Variants in ICE1 observed in about 807,000 individuals in gnomAD.
ICE1 encodes the protein interactor of little elongation complex ELL subunit 1, also known as little elongation complex subunit 1.
A neutral mutation model predicts 192.7 loss-of-function variants in ICE1; 64 were observed. The observed-to-expected ratio is 0.33, with a 90% CI of 0.27 to 0.41. The LOEUF (loss-of-function observed/expected upper bound fraction) is 0.41. Ranked by LOEUF, ICE1 falls within the 10% of genes least tolerant of loss-of-function variation. The probability of loss-of-function intolerance (pLI) is 1.00; values close to 1 mark genes in which losing one functional copy is unlikely to be tolerated. For synonymous variants in ICE1, 1,010 were observed against 984.5 expected (o/e 1.03, Z -0.49); for missense variants, 2,708 against 2,696.0 (o/e 1.00, Z -0.10).
At chr5:5,467,076 G>A (rs1400876607) in intron 14 of ICE1, among the ~76,000 whole-genome samples, 1 of 152,080 alleles carries the variant, frequency 6.6e-6, no homozygotes, top group Non-Finnish European at 1.5e-5. Flanking sequence ...TATCTCAGTG[G>A]TAAACATTTA....
At chr5:5,480,516 G>A (rs1275868251) in intron 17 of ICE1, among the ~76,000 whole-genome samples, 3 of 152,054 alleles carry the variant, frequency 2.0e-5, no homozygotes, top group African/African-American at 7.2e-5. Flanking sequence ...CCAAAGTGCT[G>A]GGATTACAGG....
chr5:5,456,881 A>G (rs1333363419), intron 11 of ICE1, among the ~76,000 whole-genome samples: 3 of 152,326 alleles, frequency 2.0e-5, no homozygotes, highest in East Asian at 1.9e-4. Flanking sequence ...AGAGCATTGT[A>G]CAGATTTGGC....
chr5:5,458,842 G>GGT (rs1464110528), intron 12 of ICE1, among the ~76,000 whole-genome samples: 2 of 152,140 alleles, frequency 1.3e-5, no homozygotes, highest in Non-Finnish European at 2.9e-5. Flanking sequence ...CCACAGGCAG[G>GGT]GTAGCGGCTT....
At chr5:5,471,523 A>G (rs1162016743) in intron 15 of ICE1, among the ~76,000 whole-genome samples, 1 of 152,162 alleles carries the variant, frequency 6.6e-6, no homozygotes, top group Non-Finnish European at 1.5e-5. Context: ...TTAGTGAGTC[A>G]CTTAGATGTA....
intron 11 of ICE1, 38 bp from the exon 12 acceptor site, chr5:5,457,294 T>C: frequency 6.6e-7 from 1 of 1,505,290 alleles, no homozygotes; most frequent in Non-Finnish European, 8.9e-7. Flanking sequence ...TTCTTGATAT[T>C]GTAAATACCT....
At chr5:5,452,437 C>T (rs2111363786) in intron 10 of ICE1, among the ~76,000 whole-genome samples, 1 of 152,024 alleles carries the variant, frequency 6.6e-6, no homozygotes, top group African/African-American at 2.4e-5. Context: ...TCAAGTGGCA[C>T]CTGAACCAGC....
chr5:5,430,671 G>T (rs1433935581), intron 1 of ICE1, among the ~76,000 whole-genome samples: 3 of 152,150 alleles, frequency 2.0e-5, no homozygotes, highest in Non-Finnish European at 2.9e-5. Flanking sequence ...GACTTTGGGA[G>T]GTGAGGATTC....
intron 17 of ICE1, among the ~76,000 whole-genome samples, chr5:5,480,833 C>T (rs10512795): frequency 0.2 from 29,891 of 152,104 alleles, 3,590 homozygotes; most frequent in Middle Eastern, 0.32. Flanking sequence ...AGTTACCAAA[C>T]AAGAGTGTAG....
Position 5,463,815 on chromosome 5 carries a change from A to G in ICE1, c.4481A>G (p.Glu1494Gly). ...GGCAATAATCTTTCATGTCCCCAAGAGGATGTTTCAAGCAGTGGTCAGAGC... is the reference window on the plus strand; with the variant it reads ...GGCAATAATCTTTCATGTCCCCAAGGGGATGTTTCAAGCAGTGGTCAGAGC... ...PCGNNLSCPQ[E>G]DVSSSGQSTN... Residue 1494 changes from glutamate to glycine, a missense_variant, in exon 13 of 19, where the codon GAG becomes GGG. Glu to Gly is a moderately conservative substitution (Grantham distance 98, BLOSUM62 -2). Around this residue, in one of 2 missense-constraint regions of ICE1, gnomAD observed 2,366 missense variants for 2,276.6 expected, o/e 1.04. Transcript: ENST00000296564. The G allele has an allele frequency of 6.2e-7, 1 of 1,614,018 alleles. No homozygotes were observed. The highest frequency in any genetic ancestry group is 1.7e-5 in the Admixed American group (1 of 60,028).
rs202032453 is a variant in ICE1 at position 5,462,641 on chromosome 5, G to A, written c.3307G>A (p.Gly1103Arg). Reference protein sequence around the residue: ...TLHCYTGIREGGDDTEVESEA... With the variant: ...TLHCYTGIRERGDDTEVESEA... ...ACATTGTTACACAGGCATTCGAGAG[G>A]GGGGAGACGACACTGAGGTAGAGAG... Residue 1103 changes from glycine to arginine, a missense_variant, in exon 13 of 19, where the codon GGG becomes AGG. Physicochemically the swap from Gly to Arg is moderately radical, Grantham distance 125. Transcript: ENST00000296564. 51 of 1,613,834 alleles carry A rather than the reference G, an allele frequency of 3.2e-5. No individual in the cohort carries two copies. The highest frequency in any genetic ancestry group is 6.7e-5 in the Admixed American group (4 of 59,992).
Position 5,463,355 on chromosome 5 carries a change from A to C in ICE1, c.4021A>C (p.Asn1341His), listed in dbSNP as rs1472325443. ...CATCAGCGGTATGCCTCAGAATGAAAACCCTCAGAGCAGACCAGAGGCCCG... is the reference window on the plus strand; with the variant it reads ...CATCAGCGGTATGCCTCAGAATGAACACCCTCAGAGCAGACCAGAGGCCCG... The part of the protein sequence containing the change: ...SPISGMPQNE[N>H]PQSRPEARSD... Residue 1341 changes from asparagine to histidine, a missense_variant, in exon 13 of 19, where the codon AAC becomes CAC. Around this residue, in one of 2 missense-constraint regions of ICE1, gnomAD observed 2,366 missense variants for 2,276.6 expected, o/e 1.04. Coordinates refer to ENST00000296564, the MANE Select transcript of ICE1 (RefSeq NM_015325.3). 6.2e-7 allele frequency: 1 copy of C among 1,613,708 alleles called. No individual in the cohort carries two copies. Among genetic ancestry groups the C allele is most frequent in the African/African-American group, 1.3e-5 (1 of 74,916 alleles).
intron 1 of ICE1, among the ~76,000 whole-genome samples, chr5:5,425,909 G>A (rs968249364): frequency 6.6e-6 from 1 of 152,174 alleles, no homozygotes; most frequent in Non-Finnish European, 1.5e-5. Flanking sequence ...GTAAAGAATG[G>A]GCAGGTCTCA....
intron 15 of ICE1, among the ~76,000 whole-genome samples, chr5:5,472,401 G>A (rs760879131): frequency 2.2e-4 from 34 of 152,120 alleles, no homozygotes; most frequent in Admixed American, 2.0e-4. Context: ...TTTATGGAGC[G>A]TGTATTGTAT....
In ICE1 at chr5:5,462,584, G is replaced by T; in HGVS notation, c.3250G>T (p.Asp1084Tyr). 1 of 1,613,962 alleles carries T rather than the reference G, an allele frequency of 6.2e-7. No homozygotes were observed. The highest frequency in any genetic ancestry group is 8.5e-7 in the Non-Finnish European group (1 of 1,179,882). Residue 1084 changes from aspartate (D) to tyrosine (Y), a missense_variant, in exon 13 of 19, where the codon GAT (aspartate) becomes TAT (tyrosine). Transcript: ENST00000296564. ...TTGCAGAAAACATGGAGAGACACAG[G>T]ATACCTCCCAAAGTAGCCTGCCTGG... ...AFCRKHGETQ[D>Y]TSQSSLPGTL...
At chr5:5,468,743 G>A in intron 14 of ICE1, 85 bp from the exon 15 acceptor site, 1 of 834,050 alleles carries the variant, frequency 1.2e-6, no homozygotes, top group South Asian at 2.8e-5. Flanking sequence ...AGGCACCAGT[G>A]AAATTAATAC....
chr5:5,466,493 C>G lies in ICE1; in HGVS notation c.6052C>G (p.Leu2018Val). ...ERARLFCYSL[L>V]KEDFPESEKL... ...AGCTCGTTTGTTTTGCTACAGCCTACTTAAAGAAGGTATGCTTAGATTGTG... is the reference window on the plus strand; with the variant it reads ...AGCTCGTTTGTTTTGCTACAGCCTAGTTAAAGAAGGTATGCTTAGATTGTG... The change falls in exon 14 of 19, where the codon CTT (leucine) becomes GTT (valine). Residue 2018 changes from leucine (L) to valine (V), a missense_variant. Transcript: ENST00000296564. 1 of 1,606,676 alleles carries G rather than the reference C, an allele frequency of 6.2e-7. No homozygotes were observed. The highest frequency in any genetic ancestry group is 8.5e-7 in the Non-Finnish European group (1 of 1,177,786).
In ICE1 at chr5:5,441,147, T is replaced by G; in HGVS notation, c.233T>G (p.Met78Arg). 1 of 1,562,508 alleles carries G rather than the reference T, an allele frequency of 6.4e-7. No homozygotes were observed. Among genetic ancestry groups the G allele is most frequent in the Non-Finnish European group, 8.7e-7 (1 of 1,151,764 alleles). The change falls in exon 5 of 19, where the codon ATG becomes AGG. Residue 78 changes from methionine to arginine, a missense_variant. By Grantham distance (91) the Met-to-Arg change is moderately conservative (BLOSUM62 -1). Transcript: ENST00000296564. ...AATCTGCATCACCAAGTGGAAGAGA[T>G]GCTTCAAAAAATTTCTCCTCTACAG... ...NSNLHHQVEE[M>R]LQKISPLQKC... is the part of the protein sequence containing the mutation.
intron 3 of ICE1, among the ~76,000 whole-genome samples, chr5:5,439,504 T>C (rs1444435251): frequency 2.0e-5 from 3 of 152,192 alleles, no homozygotes; most frequent in African/African-American, 7.2e-5. Context: ...AGTACATAAC[T>C]TTTGTTTGCT....
In ICE1 at chr5:5,447,089, G is replaced by C. The variant is rs578218904; in HGVS notation, c.425-338G>C. Among the ~76,000 whole-genome samples, 11 of 152,174 alleles carry C rather than the reference G, an allele frequency of 7.2e-5. No individual in the cohort carries two copies. The South Asian group carries it at 2.3e-3, about 32-fold the overall frequency. Reference sequence around the variant, plus strand: ...TAAAATCACATTTCTAAAATTTCTAGGACTTTAAGGTTGCCAGTGATTGAA... The same window carrying C: ...TAAAATCACATTTCTAAAATTTCTACGACTTTAAGGTTGCCAGTGATTGAA... On this transcript the variant is annotated intron_variant, in intron 7 of 18. Coordinates refer to ENST00000296564, the MANE Select transcript of ICE1 (RefSeq NM_015325.3).
Sources: allele counts gnomAD v4.1 joint callset (sites outside exome capture counted in the v4.1 genomes callset), GRCh38; gene constraint gnomAD v4.1.1; regional missense constraint gnomAD v4.1.1; transcripts MANE v1.5; gene names NCBI Gene and HGNC (gene_info 2026-07-23, HGNC 2026-07-21).